The following MECOM variants were observed in gnomAD, a reference collection of about 807,000 sequenced individuals.
The protein encoded by MECOM is MDS1 and EVI1 complex locus, also known as histone-lysine N-methyltransferase MECOM.
In MECOM, 13 loss-of-function variants were observed where a neutral mutation model predicts 116.3. The observed-to-expected ratio is 0.11, with a 90% CI of 0.07 to 0.18. The LOEUF (loss-of-function observed/expected upper bound fraction) is 0.18, where lower values mean the gene tolerates loss of function less well. Among genes scored for constraint, MECOM ranks in the 10% least tolerant of loss-of-function variants. MECOM has a pLI of 1.00. For missense variants in MECOM, 1,299 were observed against 1,509.0 expected (o/e 0.86, Z 2.31); for synonymous variants, 528 against 535.2 (o/e 0.99, Z 0.19).
chr3:169,434,262 T>C (rs1353294526), intron 1 of MECOM, among the ~76,000 whole-genome samples: 1 of 152,176 alleles, frequency 6.6e-6, no homozygotes, highest in Non-Finnish European at 1.5e-5. Context: ...TATAAATGCA[T>C]AATTCAGTTA....
intron 2 of MECOM, among the ~76,000 whole-genome samples, chr3:169,238,426 C>A (rs1168833229): frequency 2.0e-5 from 3 of 151,954 alleles, no homozygotes; most frequent in African/African-American, 7.3e-5. Flanking sequence ...CATGAGAGAG[C>A]ATCAAGTTTG....
chr3:169,223,357 T>C (rs1212740880), intron 2 of MECOM, among the ~76,000 whole-genome samples: 1 of 137,076 alleles, frequency 7.3e-6, no homozygotes, highest in African/African-American at 2.7e-5. Context: ...CATTGTTCAA[T>C]TCCCACCTAT....
At chr3:169,442,482 A>T (rs761229233) in intron 1 of MECOM, among the ~76,000 whole-genome samples, 1 of 152,220 alleles carries the variant, frequency 6.6e-6, no homozygotes, top group Non-Finnish European at 1.5e-5. Flanking sequence ...GTAACAAGAT[A>T]AAAATATCCA....
At chr3:169,254,796 G>A (rs1197919702) in intron 2 of MECOM, among the ~76,000 whole-genome samples, 1 of 151,948 alleles carries the variant, frequency 6.6e-6, no homozygotes, top group Non-Finnish European at 1.5e-5. Flanking sequence ...GAATTTTAGG[G>A]CAATAATCAA....
chr3:169,106,614 T>G (rs1433099780), intron 10 of MECOM, among the ~76,000 whole-genome samples: 1 of 152,142 alleles, frequency 6.6e-6, no homozygotes, highest in African/African-American at 2.4e-5. Context: ...TGCTGTTGTA[T>G]TATAAGAAAA....
At chr3:169,212,933 A>G (rs965222710) in intron 2 of MECOM, among the ~76,000 whole-genome samples, 1 of 151,570 alleles carries the variant, frequency 6.6e-6, no homozygotes, top group South Asian at 2.1e-4. Flanking sequence ...GCACTTTTTC[A>G]GGGAACCTTC....
chr3:169,436,142 C>A lies in MECOM; in HGVS notation c.38-54618G>T, dbSNP rs1578095699. ...CATATCCCCTTATTTGTATGCACGT[C>A]TTTGTTTACATAGCTGAGGAAGAAA... On this transcript the variant is annotated intron_variant, in intron 1 of 16. Coordinates refer to ENST00000651503, the MANE Select transcript of MECOM (RefSeq NM_004991.4). Among the ~76,000 whole-genome samples the A allele has an allele frequency of 3.4e-5, 5 of 147,566 alleles. No homozygotes were observed. In the Admixed American group the frequency reaches 3.4e-4, roughly 10 times the overall value.
At chr3:169,290,235 G>A (rs760061107) in intron 2 of MECOM, among the ~76,000 whole-genome samples, 13 of 152,084 alleles carry the variant, frequency 8.5e-5, no homozygotes, top group Non-Finnish European at 1.3e-4. Flanking sequence ...GGGCACACTT[G>A]AGATATTTTT....
intron 10 of MECOM, among the ~76,000 whole-genome samples, chr3:169,105,581 T>C (rs1725118353): frequency 6.6e-6 from 1 of 152,154 alleles, no homozygotes; most frequent in African/African-American, 2.4e-5. Flanking sequence ...AGAAATTTGC[T>C]GAGAATGGGG....
chr3:169,238,834 C>T lies in MECOM; in HGVS notation c.376-95002G>A, dbSNP rs542128689. 5.3e-5 allele frequency among the ~76,000 whole-genome samples: 8 copies of T among 152,182 alleles called. No individual in the cohort carries two copies. In the South Asian group the frequency reaches 1.7e-3, roughly 32 times the overall value. On this transcript the variant is annotated intron_variant, in intron 2 of 16. Transcript: ENST00000651503. The stretch of plus-strand genomic sequence containing the variant: ...GTAGAAAAACCACTATGAATATATA[C>T]ATCCACTATTTAGTCAGTTAACAAA...
chr3:169,104,314 TTG>T (rs918962221), intron 10 of MECOM, among the ~76,000 whole-genome samples: 1 of 152,240 alleles, frequency 6.6e-6, no homozygotes, highest in African/African-American at 2.4e-5. Context: ...TTGGATTTAT[TTG>T]TTAAAAAATC....
chr3:169,541,178 T>C (rs1196751407), intron 1 of MECOM, among the ~76,000 whole-genome samples: 2 of 152,220 alleles, frequency 1.3e-5, no homozygotes, highest in Non-Finnish European at 2.9e-5. Context: ...TCTGTATTTC[T>C]AACAAACTCC....
At chr3:169,372,291 T>C (rs987214708) in intron 2 of MECOM, among the ~76,000 whole-genome samples, 12 of 152,098 alleles carry the variant, frequency 7.9e-5, no homozygotes, top group African/African-American at 2.9e-4. Flanking sequence ...CATCAACAAC[T>C]GACTTATACT....
At chr3:169,248,478 A>G (rs902481687) in intron 2 of MECOM, among the ~76,000 whole-genome samples, 1 of 152,190 alleles carries the variant, frequency 6.6e-6, no homozygotes, top group African/African-American at 2.4e-5. Flanking sequence ...ATGTTCAGGG[A>G]TGCATTTCTA....
intron 2 of MECOM, among the ~76,000 whole-genome samples, chr3:169,312,191 A>G (rs12634933): frequency 0.084 from 12,750 of 152,226 alleles, 731 homozygotes; most frequent in East Asian, 0.33. Flanking sequence ...AAGGAGACCA[A>G]CCAAGTATAG....
intron 2 of MECOM, among the ~76,000 whole-genome samples, chr3:169,166,032 C>G (rs1423324035): frequency 6.6e-6 from 1 of 152,088 alleles, no homozygotes; most frequent in African/African-American, 2.4e-5. Flanking sequence ...ACTGAAGGAT[C>G]CCACCTCCCT....
intron 1 of MECOM, chr3:169,483,780 T>G: frequency 1.2e-6 from 2 of 1,611,336 alleles, no homozygotes; most frequent in Non-Finnish European, 1.7e-6. Context: ...TAGATTATTC[T>G]TCTTCAAATA....
intron 2 of MECOM, among the ~76,000 whole-genome samples, chr3:169,356,295 A>G (rs1224044682): frequency 3.3e-5 from 5 of 151,796 alleles, no homozygotes; most frequent in East Asian, 3.9e-4. Context: ...TTCCCCAGAG[A>G]AAAAAAACCA....
In MECOM at chr3:169,467,642, C is replaced by A. The variant is rs150681100; in HGVS notation, c.38-86118G>T. On this transcript the variant is annotated intron_variant, in intron 1 of 16. Coordinates refer to ENST00000651503, the MANE Select transcript of MECOM (RefSeq NM_004991.4). ...CCTTCAAATAGCTAACAATTGAATG[C>A]CTCAGCTGTTTGTAGTCTCCTACCG... Among the ~76,000 whole-genome samples, 174 of 152,276 alleles carry A rather than the reference C, an allele frequency of 1.1e-3. 1 individual carries two copies. Among genetic ancestry groups the A allele is most frequent in the African/African-American group, 4.0e-3 (168 of 41,558 alleles).
Sources: gnomAD v4.1 joint callset for allele counts (sites outside exome capture counted in the v4.1 genomes callset) on GRCh38, gnomAD v4.1.1 for gene constraint, MANE v1.5 for transcripts, NCBI Gene and HGNC (gene_info 2026-07-23, HGNC 2026-07-21) for gene names.